The following ACTR5 variants were observed in gnomAD, a reference collection of about 807,000 sequenced individuals.
ACTR5 encodes actin related protein 5.
A neutral mutation model predicts 61.2 loss-of-function variants in ACTR5; 43 were observed. That is an observed-to-expected ratio of 0.70 (90% CI 0.55 to 0.91). The LOEUF (loss-of-function observed/expected upper bound fraction) is 0.91. ACTR5 is among the 40% of genes least tolerant of loss of function. The pLI is 0.00. For synonymous variants in ACTR5, 333 were observed against 310.5 expected, an observed-to-expected ratio of 1.07 and a Z score of -0.76; for missense variants, 798 against 782.2, an observed-to-expected ratio of 1.02 and a Z score of -0.24.
chr20:38,766,157 G>A, intron 6 of ACTR5, 81 bp from the exon 7 acceptor site: 1 of 1,502,098 alleles, frequency 6.7e-7, no homozygotes, highest in Non-Finnish European at 9.0e-7. Context: ...TTGGGATTAA[G>A]AAACGCAGTT....
intron 5 of ACTR5, among the ~76,000 whole-genome samples, chr20:38,762,979 G>A (rs1235830218): frequency 1.3e-5 from 2 of 152,178 alleles, no homozygotes; most frequent in Non-Finnish European, 2.9e-5. Context: ...GTTTAAAAGG[G>A]AAGAGGGAAG....
At chr20:38,759,580 T>G (rs1452531603) in intron 5 of ACTR5, among the ~76,000 whole-genome samples, 1 of 152,208 alleles carries the variant, frequency 6.6e-6, no homozygotes, top group African/African-American at 2.4e-5. Context: ...TTGATTTTTT[T>G]TTGGCAGCTG....
chr20:38,750,552 A>G, intron 2 of ACTR5, among the ~76,000 whole-genome samples: 1 of 152,184 alleles, frequency 6.6e-6, no homozygotes, highest in East Asian at 1.9e-4. Context: ...CATTCAGTAG[A>G]AATGTTTTGA....
chr20:38,767,735 T>C (rs1180737372), intron 8 of ACTR5, 139 bp downstream of exon 8: 1 of 966,494 alleles, frequency 1.0e-6, no homozygotes, highest in African/African-American at 1.6e-5. Context: ...TGCTTAATTT[T>C]TAAAGCAAAA....
rs750045153 is a variant in ACTR5, at chr20:38,748,780, A to G, written c.302A>G (p.Asn101Ser). 6 of 1,608,606 alleles carry G rather than the reference A, an allele frequency of 3.7e-6. No homozygotes were observed. The Admixed American group carries it at 5.0e-5, about 13-fold the overall frequency. Reference protein sequence around the residue: ...RWMLRSPFDRNVPVNLELQEL... With the variant: ...RWMLRSPFDRSVPVNLELQEL... The stretch of plus-strand genomic sequence containing the variant: ...ATGCTGCGCTCGCCCTTCGACCGCA[A>G]CGTGCCGGTCAACCTGGAGCTTCAG... The change falls in exon 1 of 9, where the codon AAC becomes AGC. Residue 101 changes from asparagine (N) to serine (S), a missense_variant. By Grantham distance (46) the Asn-to-Ser change is conservative. Coordinates refer to ENST00000243903, the MANE Select transcript of ACTR5 (RefSeq NM_024855.4).
At chr20:38,749,961 AAG>A (rs2084376419) in intron 1 of ACTR5, 47 bp from the exon 2 acceptor site, 1 of 1,529,772 alleles carries the variant, frequency 6.5e-7, no homozygotes, top group Non-Finnish European at 9.0e-7. Flanking sequence ...ATGCTTCAAA[AAG>A]AGTATTCTGT....
intron 7 of ACTR5, among the ~76,000 whole-genome samples, chr20:38,766,706 C>G (rs1480234524): frequency 6.6e-6 from 1 of 152,170 alleles, no homozygotes; most frequent in Non-Finnish European, 1.5e-5. Flanking sequence ...TTAAATCACC[C>G]TAAAAATATT....
chr20:38,760,428 T>G (rs2084446637), intron 5 of ACTR5, among the ~76,000 whole-genome samples: 1 of 151,730 alleles, frequency 6.6e-6, no homozygotes, highest in South Asian at 2.1e-4. Context: ...CTGGTGGCAG[T>G]TAGGATGATG....
intron 8 of ACTR5, among the ~76,000 whole-genome samples, chr20:38,769,465 T>C (rs1234916680): frequency 6.6e-6 from 1 of 152,196 alleles, no homozygotes; most frequent in African/African-American, 2.4e-5. Context: ...AAGTTGGATC[T>C]GGGGAGGGAA....
intron 3 of ACTR5, among the ~76,000 whole-genome samples, chr20:38,753,877 T>TTTTTCTTTTC (rs1334550577): frequency 6.6e-6 from 1 of 151,540 alleles, no homozygotes; most frequent in Non-Finnish European, 1.5e-5. Context: ...TTCGAGCTTT[T>TTTTTCTTTTC]TTTTTTTTTT....
intron 2 of ACTR5, among the ~76,000 whole-genome samples, chr20:38,751,001 C>T (rs1375425525): frequency 6.6e-6 from 1 of 152,176 alleles, no homozygotes; most frequent in Non-Finnish European, 1.5e-5. Context: ...TGGACCCTTA[C>T]TAAATATTTT....
Position 38,755,975 on chromosome 20 carries a change from C to A in ACTR5, c.1112C>A (p.Ala371Asp). Residue 371 changes from alanine (A) to aspartate (D), a missense_variant, in exon 5 of 9, where the codon GCT becomes GAT. Physicochemically the swap from Ala to Asp is moderately radical, Grantham distance 126. Coordinates refer to ENST00000243903, the MANE Select transcript of ACTR5 (RefSeq NM_024855.4). ...IQKLSIAVEQ[A>D]KQKILQAEVN... ...AAGCTCAGTATAGCAGTGGAGCAGG[C>A]TAAGCAGAAAATCCTCCAAGCGGAA... The A allele has an allele frequency of 1.9e-6, 3 of 1,614,058 alleles. No homozygotes were observed. Among genetic ancestry groups the A allele is most frequent in the Non-Finnish European group, 2.5e-6 (3 of 1,180,024 alleles).
rs202083819 is a variant in ACTR5 at position 38,771,573 on chromosome 20, G to A, written c.1581G>A (p.Ser527=). Residue 527 remains serine (S), a synonymous_variant, in exon 9 of 9, where the codon TCG becomes TCA. Coordinates refer to ENST00000243903, the MANE Select transcript of ACTR5 (RefSeq NM_024855.4). The part of the protein sequence containing the change: ...FRSSFQVQLA[S]NPVLDAWYGA... ...TTGTGTTTCAGGTTCAACTTGCCTC[G>A]AACCCTGTGCTGGATGCCTGGTACG... The A allele has an allele frequency of 3.1e-5, 50 of 1,613,098 alleles. No homozygotes were observed. Among genetic ancestry groups the A allele is most frequent in the East Asian group, 8.9e-5 (4 of 44,858 alleles).
At chr20:38,771,090 G>C (rs2084516977) in intron 8 of ACTR5, among the ~76,000 whole-genome samples, 1 of 152,248 alleles carries the variant, frequency 6.6e-6, no homozygotes, top group Non-Finnish European at 1.5e-5. Flanking sequence ...CAGCCTCACA[G>C]AGAACGCCCA....
chr20:38,755,090 G>A lies in ACTR5; in HGVS notation c.909G>A (p.Arg303=). ...AAGAAAGGCGGCAGCAGCAATTGCG[G>A]CGGCTGCAGGAGCTCAATGCCCGGC... is the stretch of plus-strand genomic sequence containing the variant. ...EKQERRQQQL[R]RLQELNARRR... Residue 303 remains arginine, a synonymous_variant, in exon 4 of 9, where the codon CGG becomes CGA. Transcript: ENST00000243903. 6.2e-7 allele frequency: 1 copy of A among 1,614,244 alleles called. No homozygotes were observed. Among genetic ancestry groups the A allele is most frequent in the Non-Finnish European group, 8.5e-7 (1 of 1,180,040 alleles).
chr20:38,748,994 G>T (rs1373110957), intron 1 of ACTR5, 141 bp downstream of exon 1: 2 of 1,063,458 alleles, frequency 1.9e-6, no homozygotes, highest in Non-Finnish European at 2.6e-6. Context: ...TAGGCGCTGT[G>T]GGTGTAGCAG....
rs2084523939 is a variant in ACTR5, at chr20:38,772,236, T to C, written c.*420T>C. The C allele has an allele frequency of 5.8e-6, 1 of 172,450 alleles. No homozygotes were observed. Among genetic ancestry groups the C allele is most frequent in the Non-Finnish European group, 1.3e-5 (1 of 79,800 alleles). 10.7% of individuals were successfully genotyped at this position (172,450 alleles called of 1,614,324 possible). A position where few individuals can be genotyped will look rare whatever the true frequency, so the allele number is the denominator to read the frequency against. ...TTATTCTTCTGGATGTATTCAGAAA[T>C]TGCATGAATGCCCAGTGAGGGGAGG... On this transcript the variant is annotated 3_prime_UTR_variant, in exon 9 of 9. Transcript: ENST00000243903.
chr20:38,770,938 A>C (rs1037375585), intron 8 of ACTR5, among the ~76,000 whole-genome samples: 1 of 150,692 alleles, frequency 6.6e-6, no homozygotes, highest in Non-Finnish European at 1.5e-5. Context: ...GTAGGAAGTG[A>C]GGCGGGTAAC....
intron 5 of ACTR5, among the ~76,000 whole-genome samples, chr20:38,764,059 G>A (rs2084471014): frequency 6.6e-6 from 1 of 152,156 alleles, no homozygotes; most frequent in Admixed American, 6.5e-5. Flanking sequence ...CTTTTGGTGT[G>A]TGAATGTGTG....
Sources: allele counts gnomAD v4.1 joint callset (sites outside exome capture counted in the v4.1 genomes callset), GRCh38; gene constraint gnomAD v4.1.1; transcripts MANE v1.5; gene names NCBI Gene and HGNC (gene_info 2026-07-23, HGNC 2026-07-21).